The following SEC24B variants were observed in gnomAD, a reference collection of about 807,000 sequenced individuals.
SEC24B encodes the protein SEC24 homolog B, COPII component.
In SEC24B, 45 loss-of-function variants were observed where a neutral mutation model predicts 142.8. The ratio of observed to expected loss-of-function variants is 0.32; its 90% CI spans 0.25 to 0.40. SEC24B has a LOEUF of 0.40. Among genes scored for constraint, SEC24B ranks in the 10% least tolerant of loss-of-function variants. The pLI is 1.00. For missense variants in SEC24B, 1,409 were observed against 1,526.8 expected (o/e 0.92, Z 1.29); for synonymous variants, 574 against 568.2 (o/e 1.01, Z -0.15).
At chr4:109,494,214 G>T (rs1201696420) in intron 5 of SEC24B, among the ~76,000 whole-genome samples, 2 of 152,010 alleles carry the variant, frequency 1.3e-5, no homozygotes, top group Non-Finnish European at 2.9e-5. Context: ...CAGCACTTTG[G>T]TAGGCCGAGG....
Position 109,433,852 on chromosome 4 carries a change from G to A in SEC24B, c.-18G>A. The A allele has an allele frequency of 1.5e-6, 2 of 1,298,908 alleles. No individual in the cohort carries two copies. Among genetic ancestry groups the A allele is most frequent in the Non-Finnish European group, 2.0e-6 (2 of 1,021,616 alleles). 80.5% of individuals were successfully genotyped at this position (1,298,908 alleles called of 1,614,324 possible). ...CCCACCTCCCTGAAGCGGAGCCGCC[G>A]TCGCCACCAGCGCCGTCATGTCGGC... On this transcript the variant is annotated 5_prime_UTR_variant, in exon 1 of 24. Coordinates refer to ENST00000265175, the MANE Select transcript of SEC24B (RefSeq NM_006323.5).
Position 109,473,177 on chromosome 4 carries a change from C to G in SEC24B, c.1051C>G (p.Gln351Glu). 1 of 1,563,118 alleles carries G rather than the reference C, an allele frequency of 6.4e-7. No homozygotes were observed. The highest frequency in any genetic ancestry group is 8.7e-7 in the Non-Finnish European group (1 of 1,155,566). The change falls in exon 3 of 24, where the codon CAA becomes GAA. Residue 351 changes from glutamine (Q) to glutamate (E), a missense_variant. Transcript: ENST00000265175. The stretch of plus-strand genomic sequence containing the variant: ...AGTTACACAGCCATCAGAGCTATTA[C>G]AACAAAAAGGTATTTGAGATATTTA... ...TSVTQPSELL[Q>E]QKGVQYGEYV... is the part of the protein sequence containing the mutation.
Position 109,439,474 on chromosome 4 carries a change from ATTTTTTTTTTTTTTTTTTTTTTTTTT to A in SEC24B, c.133+5492_133+5517del, listed in dbSNP as rs70949077. On this transcript the variant is annotated intron_variant, in intron 1 of 23. Coordinates refer to ENST00000265175, the MANE Select transcript of SEC24B (RefSeq NM_006323.5). ...GAATACATAATTTCCTCCTAAGCTG[ATTTTTTTTTTTTTTTTTTTTTTTTTT>A]TTTTTTTTTTTTTTTTTTTGAGACT... Among the ~76,000 whole-genome samples, 85 of 43,994 alleles carry A rather than the reference ATTTTTTTTTTTTTTTTTTTTTTTTTT, an allele frequency of 1.9e-3. 1 individual carries two copies. In the South Asian group the frequency reaches 0.029, roughly 15 times the overall value. 28.9% of individuals were successfully genotyped at this position (43,994 alleles called of 152,430 possible). A position where few individuals can be genotyped will look rare whatever the true frequency, so the allele number is the denominator to read the frequency against.
chr4:109,504,115 A>G (rs1736451990), intron 6 of SEC24B, among the ~76,000 whole-genome samples: 1 of 152,032 alleles, frequency 6.6e-6, no homozygotes, highest in South Asian at 2.1e-4. Flanking sequence ...ACATTTTGCT[A>G]TATTTGTTTC....
At position 109,494,767 on chromosome 4, in the gene SEC24B, C is replaced by G. The variant is rs1257067881; in HGVS notation, c.1399C>G (p.Gln467Glu). 1 of 1,614,216 alleles carries G rather than the reference C, an allele frequency of 6.2e-7. No individual in the cohort carries two copies. Among genetic ancestry groups the G allele is most frequent in the East Asian group, 2.2e-5 (1 of 44,890 alleles). ...KPFGYGYPTLQPGYQNATAPL... is the reference protein window; with the variant it reads ...KPFGYGYPTLEPGYQNATAPL... The stretch of plus-strand genomic sequence containing the variant: ...TTTTGGCTATGGCTATCCAACACTT[C>G]AGCCTGGTTATCAGAATGCTACAGC... The change falls in exon 6 of 24, where the codon CAG (glutamine) becomes GAG (glutamate). Residue 467 changes from glutamine (Q) to glutamate (E), a missense_variant. Physicochemically the swap from Gln to Glu is conservative, Grantham distance 29. Transcript: ENST00000265175.
intron 22 of SEC24B, among the ~76,000 whole-genome samples, chr4:109,535,589 C>G (rs562900036): frequency 6.6e-6 from 1 of 151,142 alleles, no homozygotes; most frequent in Non-Finnish European, 1.5e-5. Flanking sequence ...TGGCTCATGC[C>G]TGTAATCCCA....
intron 22 of SEC24B, among the ~76,000 whole-genome samples, chr4:109,537,114 A>G (rs1017350429): frequency 2.6e-5 from 4 of 152,178 alleles, no homozygotes; most frequent in African/African-American, 7.2e-5. Context: ...TTAATAGGCA[A>G]TTCATAAAAG....
chr4:109,469,325 A>G (rs1386324000), intron 2 of SEC24B, among the ~76,000 whole-genome samples: 1 of 152,186 alleles, frequency 6.6e-6, no homozygotes, highest in African/African-American at 2.4e-5. Context: ...CCTTGTCTCC[A>G]TTCATCCAAC....
intron 22 of SEC24B, among the ~76,000 whole-genome samples, chr4:109,535,851 C>CAAAAAA (rs70954160): frequency 0.17 from 25,160 of 149,672 alleles, 2,263 homozygotes; most frequent in African/African-American, 0.25. Context: ...GACTCCGTCT[C>CAAAAAA]AAAAAAAAAG....
rs777583976 is a variant in SEC24B, at chr4:109,527,382, T to C, written c.3026T>C (p.Val1009Ala). 37 of 1,613,898 alleles carry C rather than the reference T, an allele frequency of 2.3e-5. No individual in the cohort carries two copies. In the East Asian group the frequency reaches 7.1e-4, roughly 31 times the overall value. The change falls in exon 18 of 24, where the codon GTA becomes GCA. Residue 1009 changes from valine to alanine, a missense_variant. Val to Ala is a moderately conservative substitution (Grantham distance 64). Coordinates refer to ENST00000265175, the MANE Select transcript of SEC24B (RefSeq NM_006323.5). The part of the protein sequence containing the change: ...CLPVVSSLAD[V>A]YAGVDVQAAI... The stretch of plus-strand genomic sequence containing the variant: ...CCAGTGGTAAGTTCACTAGCAGATG[T>C]ATATGCGGGAGTGGATGTACAAGCT...
chr4:109,463,784 G>A, intron 2 of SEC24B, 140 bp downstream of exon 2: 2 of 1,314,490 alleles, frequency 1.5e-6, no homozygotes, highest in Non-Finnish European at 1.0e-6. Flanking sequence ...GCTTTTTGTA[G>A]CACCTCTTTG....
intron 7 of SEC24B, among the ~76,000 whole-genome samples, chr4:109,509,482 C>T (rs1737070205): frequency 6.6e-6 from 1 of 152,062 alleles, no homozygotes; most frequent in Non-Finnish European, 1.5e-5. Context: ...TCGAGACCAT[C>T]CTGGCTAACA....
intron 18 of SEC24B, among the ~76,000 whole-genome samples, chr4:109,529,488 C>T (rs1724653130): frequency 6.6e-6 from 1 of 151,980 alleles, no homozygotes; most frequent in Non-Finnish European, 1.5e-5. Context: ...AAATAAGTTT[C>T]ACGTTACCTG....
intron 2 of SEC24B, among the ~76,000 whole-genome samples, chr4:109,466,700 G>A (rs1315657079): frequency 6.6e-6 from 1 of 152,158 alleles, no homozygotes; most frequent in African/African-American, 2.4e-5. Context: ...GTGAGCCACT[G>A]CACCCGGCCA....
chr4:109,462,256 T>C (rs543882291), intron 1 of SEC24B, among the ~76,000 whole-genome samples: 3 of 152,336 alleles, frequency 2.0e-5, no homozygotes, highest in African/African-American at 7.2e-5. Flanking sequence ...TAGTTACTGA[T>C]AGCTGCATAA....
At chr4:109,516,882 G>C (rs1422009953) in intron 11 of SEC24B, among the ~76,000 whole-genome samples, 2 of 152,108 alleles carry the variant, frequency 1.3e-5, no homozygotes, top group Non-Finnish European at 2.9e-5. Flanking sequence ...TCATCTAACT[G>C]TCTGACTCAG....
intron 1 of SEC24B, among the ~76,000 whole-genome samples, chr4:109,447,345 AG>A (rs34208058): frequency 0.68 from 103,269 of 151,912 alleles, 40,627 homozygotes; most frequent in East Asian, 0.89. Flanking sequence ...TTAAAAAAAA[AG>A]TTTCAAAAAA....
intron 1 of SEC24B, among the ~76,000 whole-genome samples, chr4:109,452,005 T>C (rs570508609): frequency 4.6e-4 from 70 of 152,194 alleles, no homozygotes; most frequent in African/African-American, 1.7e-3. Context: ...GCTGTATAGG[T>C]TTAGATAAAC....
At chr4:109,506,123 G>A (rs1409484228) in intron 6 of SEC24B, among the ~76,000 whole-genome samples, 10 of 151,888 alleles carry the variant, frequency 6.6e-5, no homozygotes, top group Non-Finnish European at 1.5e-4. Flanking sequence ...TCATTGCGAG[G>A]GTTAACCTTG....
Sources: allele counts gnomAD v4.1 joint callset (sites outside exome capture counted in the v4.1 genomes callset), GRCh38; gene constraint gnomAD v4.1.1; transcripts MANE v1.5; gene names NCBI Gene and HGNC (gene_info 2026-07-23, HGNC 2026-07-21).